Variants in GBE1 observed in about 807,000 individuals in gnomAD.
The protein encoded by GBE1 is 1,4-alpha-glucan-branching enzyme.
A neutral mutation model predicts 88.8 loss-of-function variants in GBE1; 70 were observed. The ratio of observed to expected loss-of-function variants is 0.79; its 90% CI spans 0.65 to 0.96. The LOEUF is 0.96. Among genes scored for constraint, GBE1 ranks in the 40% least tolerant of loss-of-function variants. The probability of loss-of-function intolerance (pLI) is 0.00; values close to 1 mark genes in which losing one functional copy is unlikely to be tolerated. For missense variants in GBE1, 872 were observed against 871.0 expected, an observed-to-expected ratio of 1.00 and a Z score of -0.01; for synonymous variants, 284 against 300.1, an observed-to-expected ratio of 0.95 and a Z score of 0.56.
At chr3:81,645,929 C>G (rs1199855616) in intron 6 of GBE1, among the ~76,000 whole-genome samples, 1 of 152,110 alleles carries the variant, frequency 6.6e-6, no homozygotes, top group East Asian at 1.9e-4. Context: ...CATAGAATCC[C>G]TTGGTGTCTT....
intron 12 of GBE1, among the ~76,000 whole-genome samples, chr3:81,558,988 C>T (rs751303576): frequency 6.6e-6 from 1 of 151,986 alleles, no homozygotes; most frequent in Non-Finnish European, 1.5e-5. Context: ...GCAGCATATA[C>T]TGGCAAGAGA....
chr3:81,643,626 T>C (rs898274806), intron 6 of GBE1, among the ~76,000 whole-genome samples: 14 of 152,208 alleles, frequency 9.2e-5, no homozygotes, highest in African/African-American at 3.4e-4. Context: ...TTTGACATTA[T>C]AGTCATCCAC....
intron 1 of GBE1, among the ~76,000 whole-genome samples, chr3:81,741,140 C>T (rs144167499): frequency 2.6e-4 from 39 of 152,088 alleles, no homozygotes; most frequent in Admixed American, 4.6e-4. Context: ...TTAACAATAC[C>T]GTCTATATAA....
chr3:81,602,022 T>A (rs1364530361), intron 7 of GBE1, among the ~76,000 whole-genome samples: 1 of 152,138 alleles, frequency 6.6e-6, no homozygotes, highest in Non-Finnish European at 1.5e-5. Flanking sequence ...TTAATTACAA[T>A]AGTGATTAAT....
At chr3:81,601,753 C>A (rs1704035690) in intron 7 of GBE1, among the ~76,000 whole-genome samples, 1 of 152,102 alleles carries the variant, frequency 6.6e-6, no homozygotes, top group Non-Finnish European at 1.5e-5. Flanking sequence ...TGAAATAAAT[C>A]ATAAAGATAA....
intron 12 of GBE1, among the ~76,000 whole-genome samples, chr3:81,568,750 T>C (rs1172180679): frequency 2.0e-5 from 3 of 152,198 alleles, no homozygotes; most frequent in Non-Finnish European, 4.4e-5. Flanking sequence ...ATATTGTGTG[T>C]CTGTATCTGT....
intron 14 of GBE1, among the ~76,000 whole-genome samples, chr3:81,523,311 C>G (rs1321080558): frequency 4.6e-5 from 7 of 150,948 alleles, no homozygotes; most frequent in Non-Finnish European, 8.9e-5. Context: ...TATACATTTC[C>G]ATTTGTTGAC....
intron 1 of GBE1, among the ~76,000 whole-genome samples, chr3:81,737,357 ATT>A (rs1559703686): frequency 2.2e-5 from 1 of 45,042 alleles, no homozygotes; most frequent in Non-Finnish European, 4.9e-5. Flanking sequence ...ATAAATATAT[ATT>A]TATATATTTA....
intron 12 of GBE1, among the ~76,000 whole-genome samples, chr3:81,573,120 C>T (rs1353988737): frequency 6.6e-6 from 1 of 151,994 alleles, no homozygotes; most frequent in African/African-American, 2.4e-5. Context: ...TGTCACATAA[C>T]CATTAATACT....
chr3:81,551,259 T>C (rs1703269168), intron 12 of GBE1, among the ~76,000 whole-genome samples: 1 of 152,204 alleles, frequency 6.6e-6, no homozygotes, highest in Admixed American at 6.5e-5. Context: ...CCTGTTCTCA[T>C]AGAACTCACA....
At chr3:81,739,470 A>C (rs978560522) in intron 1 of GBE1, among the ~76,000 whole-genome samples, 1 of 152,070 alleles carries the variant, frequency 6.6e-6, no homozygotes, top group Non-Finnish European at 1.5e-5. Flanking sequence ...TATTCCTATT[A>C]CCTCCAACTA....
At chr3:81,594,361 T>C (rs1207634060) in intron 7 of GBE1, among the ~76,000 whole-genome samples, 2 of 152,070 alleles carry the variant, frequency 1.3e-5, no homozygotes, top group African/African-American at 2.4e-5. Context: ...TACTACATAG[T>C]AGTGCTCGAA....
intron 9 of GBE1, among the ~76,000 whole-genome samples, chr3:81,586,669 T>C (rs1204112886): frequency 6.6e-6 from 1 of 152,150 alleles, no homozygotes; most frequent in Non-Finnish European, 1.5e-5. Context: ...AACAGTACAA[T>C]AGCTTTTACT....
chr3:81,586,830 C>T (rs1703808734), intron 9 of GBE1, among the ~76,000 whole-genome samples: 1 of 151,740 alleles, frequency 6.6e-6, no homozygotes, highest in South Asian at 2.1e-4. Flanking sequence ...CCCTTGTTGC[C>T]CAGGCTGGTT....
intron 14 of GBE1, among the ~76,000 whole-genome samples, chr3:81,519,817 G>T (rs374202827): frequency 6.6e-6 from 1 of 151,372 alleles, no homozygotes; most frequent in African/African-American, 2.4e-5. Flanking sequence ...TTTGTCAGAG[G>T]TTATGGCAGG....
chr3:81,506,841 T>C (rs1702661092), intron 14 of GBE1, among the ~76,000 whole-genome samples: 1 of 152,120 alleles, frequency 6.6e-6, no homozygotes. Flanking sequence ...TACTGCATGT[T>C]CTCACTTAAG....
intron 2 of GBE1, 21 bp from the exon 3 acceptor site, chr3:81,670,974 A>C (rs1705181107): frequency 1.7e-6 from 2 of 1,195,700 alleles, no homozygotes; most frequent in Admixed American, 2.4e-5. Flanking sequence ...GAAGAAGATC[A>C]GTTAACAACA....
chr3:81,734,014 A>C (rs1706222175), intron 1 of GBE1, among the ~76,000 whole-genome samples: 1 of 152,218 alleles, frequency 6.6e-6, no homozygotes, highest in Non-Finnish European at 1.5e-5. Flanking sequence ...AATACAAACA[A>C]GATTTTATTT....
intron 14 of GBE1, among the ~76,000 whole-genome samples, chr3:81,513,775 G>A (rs1702756827): frequency 6.6e-6 from 1 of 151,798 alleles, no homozygotes; most frequent in Admixed American, 6.6e-5. Context: ...AGCCTTGCAT[G>A]CATGTTAACT....
Sources: gnomAD v4.1 joint callset for allele counts (sites outside exome capture counted in the v4.1 genomes callset) on GRCh38, gnomAD v4.1.1 for gene constraint, MANE v1.5 for transcripts, NCBI Gene and HGNC (gene_info 2026-07-23, HGNC 2026-07-21) for gene names.